MAEA: variants seen among roughly 807,000 people sequenced by gnomAD.
The protein encoded by MAEA is macrophage erythroblast attacher, E3 ubiquitin ligase.
A neutral mutation model predicts 46.2 loss-of-function variants in MAEA; 22 were observed. That is an observed-to-expected ratio of 0.48 (90% CI 0.34 to 0.68). The LOEUF is 0.68. Among genes scored for constraint, MAEA ranks in the 30% least tolerant of loss-of-function variants. The pLI, the probability that MAEA is intolerant of heterozygous loss-of-function variation, is 0.01. For synonymous variants in MAEA, 246 were observed against 222.6 expected (o/e 1.11, Z -0.94); for missense variants, 393 against 558.1 (o/e 0.70, Z 2.98).
chr4:1,303,151 G>C (rs998125813), intron 1 of MAEA, among the ~76,000 whole-genome samples: 3 of 150,904 alleles, frequency 2.0e-5, no homozygotes, highest in East Asian at 3.9e-4. Context: ...CACTTTGGGA[G>C]GCTGGGGCGG....
intron 1 of MAEA, among the ~76,000 whole-genome samples, chr4:1,291,740 G>C (rs1318019882): frequency 2.6e-5 from 4 of 152,222 alleles, no homozygotes; most frequent in Non-Finnish European, 5.9e-5. Context: ...GAGATGGAAG[G>C]TCTCCGGAAA....
At chr4:1,316,307 A>G (rs191147636) in intron 3 of MAEA, among the ~76,000 whole-genome samples, 1 of 150,186 alleles carries the variant, frequency 6.7e-6, no homozygotes, top group Non-Finnish European at 1.5e-5. Flanking sequence ...CCTCTCTGCC[A>G]TCGGGCAGTT....
chr4:1,305,622 C>T (rs527849536), intron 1 of MAEA, among the ~76,000 whole-genome samples: 14 of 152,282 alleles, frequency 9.2e-5, no homozygotes, highest in Non-Finnish European at 1.3e-4. Context: ...CCAGGTATCC[C>T]GGCTCCACCA....
In MAEA at chr4:1,334,742, G is replaced by A. The variant is rs192654737; in HGVS notation, c.765+1877G>A. On this transcript the variant is annotated intron_variant, in intron 6 of 8. Transcript: ENST00000303400. The stretch of plus-strand genomic sequence containing the variant: ...GGCCCCGTTGCCATGGGTCAGGCAA[G>A]AAACAGAAGGAAGCATTTTGTTCAG... 3.8e-3 allele frequency: 1,550 copies of A among 406,460 alleles called. 4 individuals carry two copies. The highest frequency in any genetic ancestry group is 4.6e-3 in the Non-Finnish European group (1,396 of 301,258). 25.2% of individuals were successfully genotyped at this position (406,460 alleles called of 1,614,324 possible).
chr4:1,322,351 T>C (rs1181983389), intron 3 of MAEA, 30 bp from the exon 4 acceptor site: 1 of 1,611,814 alleles, frequency 6.2e-7, no homozygotes, highest in Non-Finnish European at 8.5e-7. Flanking sequence ...GCCAGCACAT[T>C]CTGATCAGGT....
chr4:1,319,284 T>TGG (rs966549345), intron 3 of MAEA, among the ~76,000 whole-genome samples: 8 of 151,950 alleles, frequency 5.3e-5, no homozygotes, highest in Non-Finnish European at 1.2e-4. Flanking sequence ...GCCCAGGAGG[T>TGG]GGAGGCTGCA....
rs1349328232 is a variant in MAEA at position 1,329,782 on chromosome 4, G to C, written c.656+2079G>C. 3 of 985,426 alleles carry C rather than the reference G, an allele frequency of 3.0e-6. No individual in the cohort carries two copies. The African/African-American group carries it at 5.2e-5, about 17-fold the overall frequency. The allele number at this position is 985,426 out of a possible 1,614,324, so 61.0% of individuals were successfully genotyped here. ...TGGCTGGGAGCCCAGAGGGTGTTGT[G>C]TATCACTCACTGAGGCTGGACAAGA... On this transcript the variant is annotated intron_variant, in intron 5 of 8. Coordinates refer to ENST00000303400, the MANE Select transcript of MAEA (RefSeq NM_001017405.3).
intron 4 of MAEA, 135 bp from the exon 5 acceptor site, chr4:1,327,492 C>G (rs564251054): frequency 2.6e-5 from 19 of 730,264 alleles, no homozygotes; most frequent in Middle Eastern, 3.6e-4. Context: ...CTCAGCCCTG[C>G]CTTCCCCGTG....
chr4:1,292,590 C>T (rs73795288), intron 1 of MAEA, among the ~76,000 whole-genome samples: 23,336 of 151,998 alleles, frequency 0.15, 3,437 homozygotes, highest in East Asian at 0.42. Flanking sequence ...TCTAGGATGT[C>T]TAGCAGCATC....
Position 1,294,510 on chromosome 4 carries a change from C to T in MAEA, c.69+4528C>T, listed in dbSNP as rs999216443. Among the ~76,000 whole-genome samples the T allele has an allele frequency of 3.3e-5, 5 of 152,148 alleles. No individual in the cohort carries two copies. In the East Asian group the frequency reaches 5.8e-4, roughly 18 times the overall value. Reference sequence around the variant, plus strand: ...GGCAGTACTGACGTGAGGCCTGGAGCGGCCCTGGGACCTAAGCAAGGCACC... The same window carrying T: ...GGCAGTACTGACGTGAGGCCTGGAGTGGCCCTGGGACCTAAGCAAGGCACC... On this transcript the variant is annotated intron_variant, in intron 1 of 8. Coordinates refer to ENST00000303400, the MANE Select transcript of MAEA (RefSeq NM_001017405.3).
In MAEA at chr4:1,339,602, G is replaced by A. The variant is rs1478939646; in HGVS notation, c.*433G>A. 6 of 199,404 alleles carry A rather than the reference G, an allele frequency of 3.0e-5. No individual in the cohort carries two copies. The highest frequency in any genetic ancestry group is 5.2e-5 in the Non-Finnish European group (5 of 96,386). The allele number at this position is 199,404 out of a possible 1,614,324, so 12.4% of individuals were successfully genotyped here. A position where few individuals can be genotyped will look rare whatever the true frequency, so the allele number is the denominator to read the frequency against. On this transcript the variant is annotated 3_prime_UTR_variant, in exon 9 of 9. Coordinates refer to ENST00000303400, the MANE Select transcript of MAEA (RefSeq NM_001017405.3). Reference sequence around the variant, plus strand: ...GGCCCTGGCCTGGCCGGGGAAGGTGGCAGCGGCACCGGACTGACCTGCAGT... The same window carrying A: ...GGCCCTGGCCTGGCCGGGGAAGGTGACAGCGGCACCGGACTGACCTGCAGT...
chr4:1,303,940 C>T (rs1735581835), intron 1 of MAEA, among the ~76,000 whole-genome samples: 1 of 19,186 alleles, frequency 5.2e-5, no homozygotes. Context: ...TCCGGCAGGG[C>T]AGGGTGGGGG....
rs937341574 is a variant in MAEA, at chr4:1,311,903, T to C, written c.70-76T>C. ...CCTCTACAAGTGCCATGAGGAGACC[T>C]GGTGTGTCCTGGGTGTGGGGCTGGT... is the stretch of plus-strand genomic sequence containing the variant. On this transcript the variant is annotated intron_variant, in intron 1 of 8. Coordinates refer to ENST00000303400, the MANE Select transcript of MAEA (RefSeq NM_001017405.3). This position sits in a 1 kb window ranked among gnomAD's most constrained non-coding sequence, Gnocchi z 4.4. 6 of 1,335,384 alleles carry C rather than the reference T, an allele frequency of 4.5e-6. No homozygotes were observed. The highest frequency in any genetic ancestry group is 4.4e-5 in the African/African-American group (3 of 68,420). 82.7% of individuals were successfully genotyped at this position (1,335,384 alleles called of 1,614,324 possible).
chr4:1,326,563 G>A (rs1351457028), intron 4 of MAEA, among the ~76,000 whole-genome samples: 1 of 152,146 alleles, frequency 6.6e-6, no homozygotes, highest in Non-Finnish European at 1.5e-5. Flanking sequence ...CTTCCCTTAG[G>A]TGCACGTGAG....
intron 3 of MAEA, among the ~76,000 whole-genome samples, chr4:1,319,563 T>A (rs1737746297): frequency 6.7e-6 from 1 of 149,416 alleles, no homozygotes. Context: ...TGACGGGACA[T>A]GAGGCAGGAT....
intron 3 of MAEA, among the ~76,000 whole-genome samples, chr4:1,320,956 C>T (rs188073788): frequency 9.5e-4 from 144 of 152,226 alleles, no homozygotes; most frequent in Admixed American, 1.9e-3. Flanking sequence ...AAAATTTAGC[C>T]GGGCGTGGTG....
At chr4:1,312,434 T>A (rs1736632303) in intron 2 of MAEA, 2 of 427,872 alleles carry the variant, frequency 4.7e-6, no homozygotes, top group Non-Finnish European at 8.3e-6. Flanking sequence ...TTTTTTTTTT[T>A]TTTTTTTTTT....
intron 1 of MAEA, among the ~76,000 whole-genome samples, chr4:1,303,711 C>T (rs1338856064): frequency 6.6e-6 from 1 of 152,028 alleles, no homozygotes; most frequent in Non-Finnish European, 1.5e-5. Context: ...GTGGTTTGTA[C>T]AACCTTGTGC....
rs1259616659 is a variant in MAEA at position 1,308,075 on chromosome 4, T to A, written c.70-3904T>A. Reference sequence around the variant, plus strand: ...GTTAGGCGACTTTGCGGTGTGAACATCGTGGAATGAACTAACAGGAGCCAG... The same window carrying A: ...GTTAGGCGACTTTGCGGTGTGAACAACGTGGAATGAACTAACAGGAGCCAG... On this transcript the variant is annotated intron_variant, in intron 1 of 8. Transcript: ENST00000303400. 8.6e-5 allele frequency among the ~76,000 whole-genome samples: 8 copies of A among 93,276 alleles called. No individual in the cohort carries two copies. The East Asian group carries it at 1.5e-3, about 18-fold the overall frequency. 61.2% of individuals were successfully genotyped at this position (93,276 alleles called of 152,430 possible). A position where few individuals can be genotyped will look rare whatever the true frequency, so the allele number is the denominator to read the frequency against.
Sources: gnomAD v4.1 joint callset for allele counts (sites outside exome capture counted in the v4.1 genomes callset) on GRCh38, gnomAD v4.1.1 for gene constraint, Gnocchi (gnomAD v3.1) non-coding constraint, MANE v1.5 for transcripts, NCBI Gene and HGNC (gene_info 2026-07-23, HGNC 2026-07-21) for gene names.